Variants in KRT12 observed in about 807,000 individuals in gnomAD.
KRT12 encodes keratin, type I cytoskeletal 12.
A neutral mutation model predicts 50.2 loss-of-function variants in KRT12; 43 were observed. That is an observed-to-expected ratio of 0.86 (90% CI 0.67 to 1.11). The LOEUF (loss-of-function observed/expected upper bound fraction) is 1.11, where lower values mean the gene tolerates loss of function less well. Among genes scored for constraint, KRT12 ranks in the 50% least tolerant of loss-of-function variants. The pLI is 0.00. For synonymous variants in KRT12, 257 were observed against 253.6 expected, an observed-to-expected ratio of 1.01 and a Z score of -0.13; for missense variants, 588 against 625.6, an observed-to-expected ratio of 0.94 and a Z score of 0.64.
At position 40,863,036 on chromosome 17, in the gene KRT12, T is replaced by G; in HGVS notation, c.1316+87A>C. ...ACTTGTGTTTGTTTGTTTGCTTTTC[T>G]GTCAACTAAAACCCCATTCCTTCTA... On this transcript the variant is annotated intron_variant, in intron 6 of 7. Transcript: ENST00000251643. The surrounding 1 kb of genome is among the most constrained non-coding windows in gnomAD (Gnocchi z 4.2). 8.8e-7 allele frequency: 1 copy of G among 1,138,016 alleles called. No homozygotes were observed. The highest frequency in any genetic ancestry group is 1.3e-6 in the Non-Finnish European group (1 of 756,236). The allele number at this position is 1,138,016 out of a possible 1,614,324, so 70.5% of individuals were successfully genotyped here.
At position 40,867,024 on chromosome 17, in the gene KRT12, C is replaced by T; in HGVS notation, c.163G>A (p.Gly55Arg). ...AACATGGAAGCAGCAGAAAAGCCTC[C>T]CCCACAGCTGGCTCCAAAGCCAAAG... ...SAFGFGASCG[G>R]GFSAASMFGS... The change falls in exon 1 of 8, where the codon GGA (glycine) becomes AGA (arginine). Residue 55 changes from glycine to arginine, a missense_variant. Coordinates refer to ENST00000251643, the MANE Select transcript of KRT12 (RefSeq NM_000223.4). 6.2e-7 allele frequency: 1 copy of T among 1,600,360 alleles called. No homozygotes were observed. Among genetic ancestry groups the T allele is most frequent in the Non-Finnish European group, 8.5e-7 (1 of 1,173,260 alleles).
chr17:40,867,027 C>A lies in KRT12; in HGVS notation c.160G>T (p.Gly54Trp), dbSNP rs141949869. Residue 54 changes from glycine (G) to tryptophan (W), a missense_variant, in exon 1 of 8, where the codon GGG (glycine) becomes TGG (tryptophan). Transcript: ENST00000251643. The stretch of plus-strand genomic sequence containing the variant: ...ATGGAAGCAGCAGAAAAGCCTCCCC[C>A]ACAGCTGGCTCCAAAGCCAAAGGCA... Reference protein sequence around the residue: ...GSAFGFGASCGGGFSAASMFG... With the variant: ...GSAFGFGASCWGGFSAASMFG... 18 of 1,601,866 alleles carry A rather than the reference C, an allele frequency of 1.1e-5. No individual in the cohort carries two copies. Among genetic ancestry groups the A allele is most frequent in the Middle Eastern group, 1.7e-4 (1 of 5,976 alleles).
At position 40,867,008 on chromosome 17, in the gene KRT12, G is replaced by A; in HGVS notation, c.179C>T (p.Ala60Val). 1 of 1,595,634 alleles carries A rather than the reference G, an allele frequency of 6.3e-7. No individual in the cohort carries two copies. The highest frequency in any genetic ancestry group is 1.8e-5 in the Admixed American group (1 of 56,848). ...GCCGGAACTAGAACCAAACATGGAA[G>A]CAGCAGAAAAGCCTCCCCCACAGCT... is the stretch of plus-strand genomic sequence containing the variant. ...GASCGGGFSA[A>V]SMFGSSSGFG... The change falls in exon 1 of 8, where the codon GCT becomes GTT. Residue 60 changes from alanine to valine, a missense_variant. Physicochemically the swap from Ala to Val is moderately conservative, Grantham distance 64 (BLOSUM62 0). Coordinates refer to ENST00000251643, the MANE Select transcript of KRT12 (RefSeq NM_000223.4).
chr17:40,862,705 A>G, intron 6 of KRT12, 70 bp from the exon 7 acceptor site: 2 of 1,125,830 alleles, frequency 1.8e-6, no homozygotes, highest in South Asian at 1.2e-5. Flanking sequence ...ATCTGGTCTG[A>G]GAAATTAGAT....
Position 40,861,588 on chromosome 17 carries a change from C to G in KRT12, c.*73G>C. ...GATTGAAGTAATACAGCATGTTACTCTGAAAGGAATAATTTCTACTTGTAA... is the reference window on the plus strand; with the variant it reads ...GATTGAAGTAATACAGCATGTTACTGTGAAAGGAATAATTTCTACTTGTAA... On this transcript the variant is annotated 3_prime_UTR_variant, in exon 8 of 8. Coordinates refer to ENST00000251643, the MANE Select transcript of KRT12 (RefSeq NM_000223.4). The G allele has an allele frequency of 5.2e-6, 5 of 956,812 alleles. No homozygotes were observed. Among genetic ancestry groups the G allele is most frequent in the Non-Finnish European group, 8.6e-6 (5 of 582,832 alleles). The allele number at this position is 956,812 out of a possible 1,614,324, so 59.3% of individuals were successfully genotyped here. A position where few individuals can be genotyped will look rare whatever the true frequency, so the allele number is the denominator to read the frequency against.
chr17:40,862,442 C>T, intron 7 of KRT12, 123 bp downstream of exon 7: 1 of 746,246 alleles, frequency 1.3e-6, no homozygotes, highest in South Asian at 1.5e-5. Context: ...TTCCTTGGCT[C>T]AGAATATAAA....
intron 1 of KRT12, 57 bp downstream of exon 1, chr17:40,866,563 T>A: frequency 7.0e-7 from 1 of 1,420,242 alleles, no homozygotes; most frequent in Non-Finnish European, 9.9e-7. Flanking sequence ...CTGTAAAACA[T>A]TGTAATGGTA....
At position 40,863,160 on chromosome 17, in the gene KRT12, C is replaced by T. The variant is rs1195798360; in HGVS notation, c.1279G>A (p.Glu427Lys). 2 of 1,614,162 alleles carry T rather than the reference C, an allele frequency of 1.2e-6. No homozygotes were observed. Among genetic ancestry groups the T allele is most frequent in the Admixed American group, 3.3e-5 (2 of 60,030 alleles). ...CCGTCCAGCAGGCGGCGGTAGGTCT[C>T]AATCTCCAGCTCCAGGCGGGCCTTG... is the stretch of plus-strand genomic sequence containing the variant. ...NVKARLELEI[E>K]TYRRLLDGEA... is the part of the protein sequence containing the mutation. Residue 427 changes from glutamate to lysine, a missense_variant, in exon 6 of 8, where the codon GAG (glutamate) becomes AAG (lysine). Physicochemically the swap from Glu to Lys is moderately conservative, Grantham distance 56 (BLOSUM62 1). Coordinates refer to ENST00000251643, the MANE Select transcript of KRT12 (RefSeq NM_000223.4). This position sits in a 1 kb window ranked among gnomAD's most constrained non-coding sequence, Gnocchi z 4.2.
chr17:40,866,221 A>G lies in KRT12; in HGVS notation c.584T>C (p.Ile195Thr), dbSNP rs758478565. Residue 195 changes from isoleucine to threonine, a missense_variant, in exon 2 of 8, where the codon ATT becomes ACT. Physicochemically the swap from Ile to Thr is moderately conservative, Grantham distance 89 (BLOSUM62 -1). Transcript: ENST00000251643. ...CTGCAAGAGGAGCTGGGCATTTCCAATGCTGGCTGAAATGATCTGGCAAAA... is the reference window on the plus strand; with the variant it reads ...CTGCAAGAGGAGCTGGGCATTTCCAGTGCTGGCTGAAATGATCTGGCAAAA... ...DLRNKIISAS[I>T]GNAQLLLQID... 7.4e-6 allele frequency: 12 copies of G among 1,614,134 alleles called. No individual in the cohort carries two copies. Among genetic ancestry groups the G allele is most frequent in the Middle Eastern group, 3.3e-4 (2 of 6,062 alleles).
At chr17:40,862,502 C>G (rs1906838688) in intron 7 of KRT12, 63 bp downstream of exon 7, 1 of 1,064,420 alleles carries the variant, frequency 9.4e-7, no homozygotes, top group Non-Finnish European at 1.5e-6. Context: ...TGAGGTCTTA[C>G]AGGTTTTGCA....
At position 40,863,119 on chromosome 17, in the gene KRT12, T is replaced by G; in HGVS notation, c.1316+4A>C. 1 of 1,613,872 alleles carries G rather than the reference T, an allele frequency of 6.2e-7. No individual in the cohort carries two copies. Among genetic ancestry groups the G allele is most frequent in the South Asian group, 1.1e-5 (1 of 91,074 alleles). ...GGTGTTTACAGCCTCCGTTGTCTGC[T>G]CACCCTTGGGCCTCCCCGTCCAGCA... is the stretch of plus-strand genomic sequence containing the variant. On this transcript the variant is annotated splice_donor_region_variant and intron_variant, in intron 6 of 7. Transcript: ENST00000251643. This position sits in a 1 kb window ranked among gnomAD's most constrained non-coding sequence, Gnocchi z 4.2.
Position 40,863,612 on chromosome 17 carries a change from T to C in KRT12, c.970-2A>G. The C allele has an allele frequency of 6.2e-7, 1 of 1,614,244 alleles. No homozygotes were observed. The highest frequency in any genetic ancestry group is 8.5e-7 in the Non-Finnish European group (1 of 1,180,034). ...AATCTCCTTACGGAGCTCCCCGCTC[T>C]GCAACAGCAAAGACAGCCAGGGGGC... On this transcript the variant is annotated splice_acceptor_variant, in intron 4 of 7. Transcript: ENST00000251643. LOFTEE classifies it high-confidence loss of function. This position sits in a 1 kb window ranked among gnomAD's most constrained non-coding sequence, Gnocchi z 4.2.
rs372927571 is a variant in KRT12, at chr17:40,866,757, G to C, written c.430C>G (p.Arg144Gly). 1 of 1,614,102 alleles carries C rather than the reference G, an allele frequency of 6.2e-7. No individual in the cohort carries two copies. Residue 144 changes from arginine (R) to glycine (G), a missense_variant, in exon 1 of 8, where the codon CGA (arginine) becomes GGA (glycine). Arg to Gly is a moderately radical substitution (Grantham distance 125). Coordinates refer to ENST00000251643, the MANE Select transcript of KRT12 (RefSeq NM_000223.4). ...TCAGTATTAGCCTCTTCTAGAGCTC[G>C]CACCTTATCCAGGTAGGAAGCTAAT... ...DRLASYLDKV[R>G]ALEEANTELE...
At chr17:40,865,131 C>A (rs1906971841) in intron 2 of KRT12, among the ~76,000 whole-genome samples, 169 bp from the exon 3 acceptor site, 1 of 152,104 alleles carries the variant, frequency 6.6e-6, no homozygotes, top group Non-Finnish European at 1.5e-5. Context: ...TTTTTTCCCA[C>A]CATTGTTTAC....
rs1174312968 is a variant in KRT12 at position 40,863,730 on chromosome 17, CT to C, written c.941del (p.Lys314ArgfsTer52). ...TTTCAATGAACCAGGCTTCAGCGTCCTTCCGATTCTGCTCAGCGATGGTTTC... is the reference window on the plus strand; with the variant it reads ...TTTCAATGAACCAGGCTTCAGCGTCCTCCGATTCTGCTCAGCGATGGTTTC... ...QYETIAEQNRKDAEAWFIEKS... is the reference protein window; with the variant it reads ...QYETIAEQNRXDAEAWFIEKS... On this transcript the variant is annotated frameshift_variant, in exon 4 of 8. Coordinates refer to ENST00000251643, the MANE Select transcript of KRT12 (RefSeq NM_000223.4). LOFTEE classifies it high-confidence loss of function. The surrounding 1 kb of genome is among the most constrained non-coding windows in gnomAD (Gnocchi z 4.2). 1.2e-6 allele frequency: 2 copies of C among 1,613,690 alleles called. No individual in the cohort carries two copies. The highest frequency in any genetic ancestry group is 8.5e-7 in the Non-Finnish European group (1 of 1,180,026).
At chr17:40,864,737 T>G in intron 3 of KRT12, 69 bp downstream of exon 3, 2 of 1,518,678 alleles carry the variant, frequency 1.3e-6, no homozygotes, top group South Asian at 1.1e-5. Context: ...TTTCTAAATT[T>G]GAAATTGTAA....
At chr17:40,862,789 G>T (rs1906850243) in intron 6 of KRT12, among the ~76,000 whole-genome samples, 154 bp from the exon 7 acceptor site, 1 of 152,174 alleles carries the variant, frequency 6.6e-6, no homozygotes, top group African/African-American at 2.4e-5. Context: ...GTTAGAGTAG[G>T]TGGTTCAGGT....
chr17:40,865,039 C>T, intron 2 of KRT12, 77 bp from the exon 3 acceptor site: 1 of 1,499,976 alleles, frequency 6.7e-7, no homozygotes. Context: ...AGGGCTATTT[C>T]TTGCTTAAAT....
rs1375466034 is a variant in KRT12, at chr17:40,863,109, C to G, written c.1316+14G>C. 1.2e-6 allele frequency: 2 copies of G among 1,612,518 alleles called. No individual in the cohort carries two copies. The highest frequency in any genetic ancestry group is 2.7e-5 in the African/African-American group (2 of 74,926). ...AGCCCCTGAAGGTGTTTACAGCCTC[C>G]GTTGTCTGCTCACCCTTGGGCCTCC... On this transcript the variant is annotated intron_variant, in intron 6 of 7. Coordinates refer to ENST00000251643, the MANE Select transcript of KRT12 (RefSeq NM_000223.4). This position sits in a 1 kb window ranked among gnomAD's most constrained non-coding sequence, Gnocchi z 4.2.
Sources: gnomAD v4.1 joint callset for allele counts (sites outside exome capture counted in the v4.1 genomes callset) on GRCh38, gnomAD v4.1.1 for gene constraint, Gnocchi (gnomAD v3.1) non-coding constraint, MANE v1.5 for transcripts, NCBI Gene and HGNC (gene_info 2026-07-23, HGNC 2026-07-21) for gene names.